The following SHTN1 variants were observed in gnomAD, a reference collection of about 807,000 sequenced individuals.
SHTN1 encodes shootin 1.
In SHTN1, 42 loss-of-function variants were observed where a neutral mutation model predicts 83.1. The observed-to-expected ratio is 0.51, with a 90% CI of 0.39 to 0.65. The LOEUF (loss-of-function observed/expected upper bound fraction) is 0.65, where lower values mean the gene tolerates loss of function less well. Among genes scored for constraint, SHTN1 ranks in the 30% least tolerant of loss-of-function variants. The pLI is 0.00. For synonymous variants in SHTN1, 224 were observed against 247.7 expected (o/e 0.90, Z 0.90); for missense variants, 622 against 737.8 (o/e 0.84, Z 1.82).
chr10:117,008,073 A>G (rs2133553480), upstream of SHTN1, among the ~76,000 whole-genome samples: 1 of 152,166 alleles, frequency 6.6e-6, no homozygotes, highest in African/African-American at 2.4e-5. Flanking sequence ...TTGACCTCCA[A>G]ATAACAGGTC....
At chr10:116,936,859 A>G (rs888769881) in intron 9 of SHTN1, among the ~76,000 whole-genome samples, 1 of 152,138 alleles carries the variant, frequency 6.6e-6, no homozygotes, top group Admixed American at 6.6e-5. Flanking sequence ...TATTGGGTGC[A>G]TATATATTTA....
chr10:117,110,234 A>G (rs1426474628), intron 1 of SHTN1, among the ~76,000 whole-genome samples: 2 of 152,222 alleles, frequency 1.3e-5, no homozygotes, highest in African/African-American at 4.8e-5. Flanking sequence ...CACCACTCCA[A>G]CTGGCTTATT....
intron 1 of SHTN1, among the ~76,000 whole-genome samples, chr10:117,000,214 C>A (rs1851777032): frequency 6.6e-6 from 1 of 152,136 alleles, no homozygotes; most frequent in African/African-American, 2.4e-5. Context: ...CTCATATGCA[C>A]CCAAGATTGT....
intron 2 of SHTN1, among the ~76,000 whole-genome samples, chr10:116,972,640 CAG>C (rs1283586559): frequency 6.6e-6 from 1 of 152,228 alleles, no homozygotes; most frequent in Admixed American, 6.5e-5. Context: ...CCTGCTCACG[CAG>C]CTGCACCATT....
At position 116,940,489 on chromosome 10, in the gene SHTN1, C is replaced by A. The variant is rs752470418; in HGVS notation, c.835G>T (p.Glu279Ter). ...ACCTTTTGTTGATGCTGAATTCTCT[C>A]TTCTTCAAGTTGCTGGGTGAGTTTT... ...NAKLTQQLEE[E>*]RIQHQQKVKE... The change falls in exon 9 of 17, where the codon GAG (glutamate) becomes TAG (stop). Residue 279 changes from glutamate to a stop codon, truncating the protein, a stop_gained. Coordinates refer to ENST00000355371, the MANE Select transcript of SHTN1 (RefSeq NM_001127211.3). LOFTEE classifies it high-confidence loss of function. The A allele has an allele frequency of 6.2e-7, 1 of 1,613,792 alleles. No individual in the cohort carries two copies.
chr10:117,012,564 A>G (rs1303213151), intron 2 of SHTN1, among the ~76,000 whole-genome samples: 1 of 152,184 alleles, frequency 6.6e-6, no homozygotes, highest in Non-Finnish European at 1.5e-5. Flanking sequence ...TTTTATAAAA[A>G]GGAGCCGCAA....
intron 9 of SHTN1, among the ~76,000 whole-genome samples, chr10:116,930,428 T>A (rs1414459658): frequency 1.3e-5 from 2 of 152,154 alleles, no homozygotes; most frequent in Admixed American, 1.3e-4. Flanking sequence ...TGTTGTTCCC[T>A]TCTTTGTGTC....
chr10:116,990,613 T>A (rs1851394693), intron 1 of SHTN1, among the ~76,000 whole-genome samples: 1 of 152,220 alleles, frequency 6.6e-6, no homozygotes, highest in South Asian at 2.1e-4. Flanking sequence ...TGAGGGGAAC[T>A]GCATCTTTTT....
intron 16 of SHTN1, among the ~76,000 whole-genome samples, chr10:116,896,334 T>C (rs957383108): frequency 6.6e-6 from 1 of 152,194 alleles, no homozygotes; most frequent in Non-Finnish European, 1.5e-5. Context: ...GCTTGACTTA[T>C]GTTTCAGAAA....
At chr10:117,092,626 G>A (rs1469568046) in intron 1 of SHTN1, among the ~76,000 whole-genome samples, 1 of 152,198 alleles carries the variant, frequency 6.6e-6, no homozygotes, top group African/African-American at 2.4e-5. Context: ...ATGAGGCAAC[G>A]GCGCCCAGCT....
rs1851298074 is a variant in SHTN1 at position 116,988,334 on chromosome 10, T to A, written c.59-9026A>T. 3.3e-5 allele frequency among the ~76,000 whole-genome samples: 5 copies of A among 151,442 alleles called. No homozygotes were observed. In the South Asian group the frequency reaches 1.0e-3, roughly 32 times the overall value. On this transcript the variant is annotated intron_variant, in intron 1 of 16. Coordinates refer to ENST00000355371, the MANE Select transcript of SHTN1 (RefSeq NM_001127211.3). ...CACACACACACACACACACAATCAA[T>A]CATACACAAATTTGTGCCATAGAGG... is the stretch of plus-strand genomic sequence containing the variant.
chr10:116,898,906 CAG>C (rs1181992084), intron 16 of SHTN1, among the ~76,000 whole-genome samples: 1 of 151,868 alleles, frequency 6.6e-6, no homozygotes, highest in African/African-American at 2.4e-5. Context: ...TATAATTTAC[CAG>C]AGAGGAGTTA....
At chr10:116,918,249 G>T (rs1848440284) in intron 12 of SHTN1, among the ~76,000 whole-genome samples, 1 of 151,926 alleles carries the variant, frequency 6.6e-6, no homozygotes, top group African/African-American at 2.4e-5. Flanking sequence ...TTCAAGGTCA[G>T]TCTTGGATCA....
At chr10:117,098,413 A>G (rs2133626357) in intron 1 of SHTN1, among the ~76,000 whole-genome samples, 1 of 151,700 alleles carries the variant, frequency 6.6e-6, no homozygotes, top group Non-Finnish European at 1.5e-5. Flanking sequence ...AAAAAAAAAA[A>G]AAAAAAGTTC....
intron 7 of SHTN1, among the ~76,000 whole-genome samples, chr10:116,947,680 C>T (rs766284235): frequency 2.6e-5 from 4 of 152,142 alleles, no homozygotes; most frequent in South Asian, 2.1e-4. Context: ...GGAATTTTCA[C>T]GTGTCCTGGC....
intron 6 of SHTN1, among the ~76,000 whole-genome samples, chr10:116,949,711 TTAAG>T (rs1314589436): frequency 6.6e-6 from 1 of 152,316 alleles, no homozygotes; most frequent in East Asian, 1.9e-4. Flanking sequence ...TATTTTTGAC[TTAAG>T]TAAGATGAAC....
chr10:116,939,621 CAT>C, intron 9 of SHTN1, among the ~76,000 whole-genome samples: 1 of 152,278 alleles, frequency 6.6e-6, no homozygotes, highest in South Asian at 2.1e-4. Context: ...TACCAGCCAC[CAT>C]ATATCAACAT....
At chr10:117,084,818 CCT>C (rs1437088446) in intron 1 of SHTN1, among the ~76,000 whole-genome samples, 15 of 152,224 alleles carry the variant, frequency 9.9e-5, no homozygotes, top group Non-Finnish European at 1.9e-4. Context: ...GTCCGTCACC[CCT>C]TTCTTTGATT....
chr10:116,908,421 T>A (rs1175972401), intron 14 of SHTN1, among the ~76,000 whole-genome samples: 1 of 152,172 alleles, frequency 6.6e-6, no homozygotes, highest in African/African-American at 2.4e-5. Flanking sequence ...CCATAAGGTA[T>A]GACCAATACT....
Sources: allele counts gnomAD v4.1 joint callset (sites outside exome capture counted in the v4.1 genomes callset), GRCh38; gene constraint gnomAD v4.1.1; transcripts MANE v1.5; gene names NCBI Gene and HGNC (gene_info 2026-07-23, HGNC 2026-07-21).